TNKS: variants seen among roughly 807,000 people sequenced by gnomAD.
TNKS encodes the protein tankyrase.
A neutral mutation model predicts 135.8 loss-of-function variants in TNKS; 72 were observed. That is an observed-to-expected ratio of 0.53 (90% CI 0.44 to 0.64). The LOEUF (loss-of-function observed/expected upper bound fraction) is 0.64. Among genes scored for constraint, TNKS ranks in the 30% least tolerant of loss-of-function variants. The pLI is 0.00. For missense variants in TNKS, 1,769 were observed against 1,674.0 expected (o/e 1.06, Z -0.99); for synonymous variants, 849 against 649.3 (o/e 1.31, Z -4.68).
At chr8:9,729,705 C>G (rs1805332128) in intron 13 of TNKS, among the ~76,000 whole-genome samples, 4 of 151,902 alleles carry the variant, frequency 2.6e-5, no homozygotes, top group South Asian at 4.2e-4. Flanking sequence ...TAATCTCCAT[C>G]CCTGGTTTGT....
intron 3 of TNKS, among the ~76,000 whole-genome samples, chr8:9,666,633 T>C (rs528685739): frequency 2.6e-4 from 39 of 152,106 alleles, no homozygotes; most frequent in African/African-American, 9.4e-4. Context: ...GGCACAAGAA[T>C]TGCTTGAAAC....
intron 25 of TNKS, among the ~76,000 whole-genome samples, chr8:9,766,903 A>T (rs1034739555): frequency 6.6e-6 from 1 of 152,186 alleles, no homozygotes; most frequent in Non-Finnish European, 1.5e-5. Context: ...TGACAGGAGC[A>T]ATAACAACAG....
At chr8:9,598,964 C>T (rs922883243) in intron 2 of TNKS, among the ~76,000 whole-genome samples, 20 of 151,246 alleles carry the variant, frequency 1.3e-4, no homozygotes, top group Admixed American at 1.3e-3. Context: ...ATGTTTATCC[C>T]TTCTTCTGTC....
In TNKS at chr8:9,585,107, G is replaced by T. The variant is rs149801448; in HGVS notation, c.898+4724G>T. 6.9e-3 allele frequency among the ~76,000 whole-genome samples: 1,041 copies of T among 151,856 alleles called. 3 individuals are homozygous for T. Among genetic ancestry groups the T allele is most frequent in the Middle Eastern group, 0.017 (5 of 290 alleles). On this transcript the variant is annotated intron_variant, in intron 2 of 26. Transcript: ENST00000310430. ...CCAGAGAAATTAAAGTATAAAGTGG[G>T]GAAGAAATTTCCTGGGGCCAAAACT...
At position 9,555,971 on chromosome 8, in the gene TNKS, A is replaced by G. The variant is rs759915435; in HGVS notation, c.32A>G (p.His11Arg). 1.1e-5 allele frequency: 18 copies of G among 1,613,318 alleles called. No individual in the cohort carries two copies. The highest frequency in any genetic ancestry group is 6.7e-5 in the Admixed American group (4 of 59,942). MAASRRSQHH[H>R]HHHQQQLQPA... Reference sequence around the variant, plus strand: ...GCGTCGCGTCGCTCTCAGCATCATCACCACCATCATCAACAACAGCTCCAG... The same window carrying G: ...GCGTCGCGTCGCTCTCAGCATCATCGCCACCATCATCAACAACAGCTCCAG... Residue 11 changes from histidine (H) to arginine (R), a missense_variant, in exon 1 of 27, where the codon CAC (histidine) becomes CGC (arginine). Transcript: ENST00000310430.
At chr8:9,696,389 A>C (rs1224496576) in intron 5 of TNKS, among the ~76,000 whole-genome samples, 1 of 152,176 alleles carries the variant, frequency 6.6e-6, no homozygotes, top group East Asian at 1.9e-4. Context: ...AGGTCAGATA[A>C]GATAAGGACT....
chr8:9,771,679 G>C lies in TNKS; in HGVS notation c.3897+1417G>C, dbSNP rs536642966. Among the ~76,000 whole-genome samples, 467 of 114,254 alleles carry C rather than the reference G, an allele frequency of 4.1e-3. 2 individuals carry two copies. The highest frequency in any genetic ancestry group is 6.3e-3 in the Non-Finnish European group (349 of 55,634). 75.0% of individuals were successfully genotyped at this position (114,254 alleles called of 152,430 possible). On this transcript the variant is annotated intron_variant, in intron 26 of 26. Coordinates refer to ENST00000310430, the MANE Select transcript of TNKS (RefSeq NM_003747.3). ...TGGAGGGGAGAGGCAGGAAGGGAGG[G>C]AGAGAGAGAGAGAGAGAGAGGAAGG...
At chr8:9,572,574 A>T (rs546288453) in intron 1 of TNKS, among the ~76,000 whole-genome samples, 1 of 152,204 alleles carries the variant, frequency 6.6e-6, no homozygotes, top group Admixed American at 6.5e-5. Context: ...ACTATAGCAG[A>T]TACGTTTTCT....
At chr8:9,634,801 A>T (rs1381545745) in intron 3 of TNKS, among the ~76,000 whole-genome samples, 1 of 151,606 alleles carries the variant, frequency 6.6e-6, no homozygotes, top group Non-Finnish European at 1.5e-5. Flanking sequence ...AGACACCAAA[A>T]CTTTGAAAAA....
intron 5 of TNKS, among the ~76,000 whole-genome samples, chr8:9,694,005 G>T (rs1410077860): frequency 6.6e-6 from 1 of 152,156 alleles, no homozygotes. Flanking sequence ...AAAGGAGTTG[G>T]TCTAGGCCAA....
chr8:9,718,715 C>G (rs991058781), intron 11 of TNKS, among the ~76,000 whole-genome samples: 1 of 152,130 alleles, frequency 6.6e-6, no homozygotes, highest in Non-Finnish European at 1.5e-5. Context: ...TGCCAGACAT[C>G]TATTATTCTG....
chr8:9,703,541 T>C (rs751775008), intron 5 of TNKS, among the ~76,000 whole-genome samples: 3 of 152,226 alleles, frequency 2.0e-5, no homozygotes, highest in Non-Finnish European at 4.4e-5. Context: ...AGGACTCTTC[T>C]AATCTGAATG....
At chr8:9,624,605 T>G (rs1254634235) in intron 3 of TNKS, among the ~76,000 whole-genome samples, 3 of 152,240 alleles carry the variant, frequency 2.0e-5, no homozygotes, top group Admixed American at 6.5e-5. Context: ...TAGAAATACA[T>G]ACATACTGTT....
chr8:9,607,057 T>C (rs965606182), intron 2 of TNKS, among the ~76,000 whole-genome samples: 6 of 152,178 alleles, frequency 3.9e-5, no homozygotes, highest in Non-Finnish European at 5.9e-5. Context: ...TCTTTTTGCA[T>C]TCTTAAAAAT....
intron 1 of TNKS, among the ~76,000 whole-genome samples, chr8:9,572,407 A>G (rs1797789507): frequency 6.6e-6 from 1 of 152,160 alleles, no homozygotes; most frequent in South Asian, 2.1e-4. Flanking sequence ...TGAATATATT[A>G]ATCTGAACTT....
intron 12 of TNKS, among the ~76,000 whole-genome samples, chr8:9,723,239 G>T (rs1436774368): frequency 6.8e-6 from 1 of 146,666 alleles, no homozygotes; most frequent in South Asian, 2.2e-4. Flanking sequence ...GAATTTGTAT[G>T]TCTCTGTAGA....
At chr8:9,607,818 A>G (rs967364140) in intron 2 of TNKS, among the ~76,000 whole-genome samples, 2 of 152,232 alleles carry the variant, frequency 1.3e-5, no homozygotes, top group African/African-American at 4.8e-5. Context: ...AATAAAATGC[A>G]GTAATTTTAC....
At chr8:9,676,456 G>T (rs955793514) in intron 3 of TNKS, among the ~76,000 whole-genome samples, 1 of 152,068 alleles carries the variant, frequency 6.6e-6, no homozygotes, top group African/African-American at 2.4e-5. Flanking sequence ...TTCTGAAGGG[G>T]CAAAAGCACT....
chr8:9,700,199 T>C (rs1476099467), intron 5 of TNKS, among the ~76,000 whole-genome samples: 1 of 152,194 alleles, frequency 6.6e-6, no homozygotes, highest in Non-Finnish European at 1.5e-5. Context: ...TATTGCCTGC[T>C]TTCTCTAGTG....
Sources: allele counts gnomAD v4.1 joint callset (sites outside exome capture counted in the v4.1 genomes callset), GRCh38; gene constraint gnomAD v4.1.1; transcripts MANE v1.5; gene names NCBI Gene and HGNC (gene_info 2026-07-23, HGNC 2026-07-21).